Variants in ZNF621 observed in about 807,000 individuals in gnomAD.
ZNF621 encodes the protein zinc finger protein 621.
ZNF621 carries 6 observed loss-of-function variants against 12.7 expected under a neutral mutation model. That is an observed-to-expected ratio of 0.47 (90% CI 0.26 to 0.93). The LOEUF (loss-of-function observed/expected upper bound fraction) is 0.93. Among genes scored for constraint, ZNF621 ranks in the 40% least tolerant of loss-of-function variants. The pLI, the probability that ZNF621 is intolerant of heterozygous loss-of-function variation, is 0.15. For missense variants in ZNF621, 474 were observed against 524.0 expected (o/e 0.90, Z 0.93); for synonymous variants, 156 against 190.3 (o/e 0.82, Z 1.48).
upstream of ZNF621, among the ~76,000 whole-genome samples, chr3:40,523,502 C>T (rs1698503600): frequency 6.6e-6 from 1 of 152,138 alleles, no homozygotes; most frequent in African/African-American, 2.4e-5. Context: ...CGGTGGCTCA[C>T]GCCTGTAATC....
In ZNF621 at chr3:40,530,254, G is replaced by C; in HGVS notation, c.197G>C (p.Arg66Thr). Residue 66 changes from arginine to threonine, a missense_variant, in exon 4 of 5, where the codon AGA (arginine) becomes ACA (threonine). Coordinates refer to ENST00000339296, the MANE Select transcript of ZNF621 (RefSeq NM_198484.5). ...PKPALISHLE[R>T]GEAPWGPDPW... ...CCTGCTCTGATCTCCCACCTGGAGA[G>C]AGGGGAAGCACCATGGGGCCCAGAT... The C allele has an allele frequency of 6.2e-7, 1 of 1,613,948 alleles. No individual in the cohort carries two copies. The highest frequency in any genetic ancestry group is 1.1e-5 in the South Asian group (1 of 91,046).
chr3:40,524,793 G>A (rs2125669988), upstream of ZNF621: 1 of 152,454 alleles, frequency 6.6e-6, no homozygotes, highest in East Asian at 1.9e-4. Flanking sequence ...CGGGCTTAGA[G>A]CGCCACAGTT....
chr3:40,529,403 G>C lies in ZNF621; in HGVS notation c.109G>C (p.Gly37Arg), dbSNP rs573787592. The C allele has an allele frequency of 3.1e-6, 5 of 1,613,674 alleles. No homozygotes were observed. The highest frequency in any genetic ancestry group is 4.2e-6 in the Non-Finnish European group (5 of 1,179,824). The change falls in exon 3 of 5, where the codon GGG becomes CGG. Residue 37 changes from glycine (G) to arginine (R), a missense_variant. Transcript: ENST00000339296. ...SLDPAQRALY[G>R]EVMLENYANV... is the part of the protein sequence containing the mutation. Reference sequence around the variant, plus strand: ...CGACCCTGCGCAGAGGGCCCTGTACGGGGAGGTGATGCTGGAGAATTATGC... The same window carrying C: ...CGACCCTGCGCAGAGGGCCCTGTACCGGGAGGTGATGCTGGAGAATTATGC...
In ZNF621 at chr3:40,533,360, C is replaced by CA. The variant is rs1344564056; in HGVS notation, c.*273dup. On this transcript the variant is annotated 3_prime_UTR_variant, in exon 5 of 5. Coordinates refer to ENST00000339296, the MANE Select transcript of ZNF621 (RefSeq NM_198484.5). ...TTCGCCATCTTGGCCAGGCTGGTCT[C>CA]AAACACCTGACCTCAAGTGATCCGC... 2 of 435,472 alleles carry CA rather than the reference C, an allele frequency of 4.6e-6. No individual in the cohort carries two copies. The highest frequency in any genetic ancestry group is 4.0e-5 in the African/African-American group (2 of 50,534). 27.0% of individuals were successfully genotyped at this position (435,472 alleles called of 1,614,324 possible).
intron 3 of ZNF621, 27 bp from the exon 4 acceptor site, chr3:40,530,182 A>G (rs758156140): frequency 1.9e-6 from 3 of 1,597,886 alleles, no homozygotes; most frequent in Non-Finnish European, 2.6e-6. Flanking sequence ...TCTCCCCTCA[A>G]TTTGTCTTTC....
Position 40,532,723 on chromosome 3 carries a change from C to G in ZNF621, c.953C>G (p.Pro318Arg), listed in dbSNP as rs2125677241. ...QHQRVHTGEK[P>R]YECKVCGKAF... ...CAGAGAGTTCACACTGGGGAGAAGC[C>G]TTATGAATGTAAGGTGTGTGGGAAA... The change falls in exon 5 of 5, where the codon CCT becomes CGT. Residue 318 changes from proline (P) to arginine (R), a missense_variant. Coordinates refer to ENST00000339296, the MANE Select transcript of ZNF621 (RefSeq NM_198484.5). The G allele has an allele frequency of 6.2e-7, 1 of 1,614,170 alleles. No homozygotes were observed. Among genetic ancestry groups the G allele is most frequent in the East Asian group, 2.2e-5 (1 of 44,896 alleles).
At chr3:40,524,809 C>T (rs1468958712), upstream of ZNF621, 1 of 152,486 alleles carries the variant, frequency 6.6e-6, no homozygotes, top group Non-Finnish European at 1.5e-5. Context: ...CAGTTCCACG[C>T]CCGCCGCCGG....
chr3:40,536,608 G>A lies in ZNF621; in HGVS notation c.*3518G>A, dbSNP rs948156945. On this transcript the variant is annotated 3_prime_UTR_variant, in exon 5 of 5. Transcript: ENST00000339296. ...CAGTCCCAAGTGCTGCCTGCCAATC[G>A]TCCAGCACCCTCCACCTTTGCCACC... is the stretch of plus-strand genomic sequence containing the variant. 5 of 152,122 alleles carry A rather than the reference G, an allele frequency of 3.3e-5. No individual in the cohort carries two copies. Among genetic ancestry groups the A allele is most frequent in the Non-Finnish European group, 5.9e-5 (4 of 68,030 alleles). The allele number at this position is 152,122 out of a possible 1,614,324, so 9.4% of individuals were successfully genotyped here.
At chr3:40,530,115 T>A in intron 3 of ZNF621, 94 bp from the exon 4 acceptor site, 1 of 1,006,964 alleles carries the variant, frequency 9.9e-7, no homozygotes. Context: ...TCAATTTCTC[T>A]CCCAAGTAGC....
intron 3 of ZNF621, 30 bp from the exon 4 acceptor site, chr3:40,530,179 T>C: frequency 3.8e-6 from 6 of 1,593,056 alleles, no homozygotes; most frequent in Non-Finnish European, 5.2e-6. Context: ...ACGTCTCCCC[T>C]CAATTTGTCT....
In ZNF621 at chr3:40,537,968, T is replaced by A. The variant is rs912207664; in HGVS notation, c.*4878T>A. 7.2e-5 allele frequency among the ~76,000 whole-genome samples: 11 copies of A among 152,186 alleles called. No homozygotes were observed. The highest frequency in any genetic ancestry group is 2.2e-4 in the African/African-American group (9 of 41,460). On this transcript the variant is annotated 3_prime_UTR_variant, in exon 5 of 5. Coordinates refer to ENST00000339296, the MANE Select transcript of ZNF621 (RefSeq NM_198484.5). ...CTAGGACTTTCATGGAGAAGAGAAG[T>A]TAATCCCTGGCTTAAAAGCATCAAA...
chr3:40,533,251 C>T lies in ZNF621; in HGVS notation c.*161C>T, dbSNP rs969592221. On this transcript the variant is annotated 3_prime_UTR_variant, in exon 5 of 5. Coordinates refer to ENST00000339296, the MANE Select transcript of ZNF621 (RefSeq NM_198484.5). The stretch of plus-strand genomic sequence containing the variant: ...CCCCTCCTGGGTTCAAGCGATTCTC[C>T]TCCTTCAGACTCTCGAATAGCTGGG... 21 of 1,151,634 alleles carry T rather than the reference C, an allele frequency of 1.8e-5. No homozygotes were observed. Among genetic ancestry groups the T allele is most frequent in the Non-Finnish European group, 2.5e-5 (21 of 844,784 alleles). 71.3% of individuals were successfully genotyped at this position (1,151,634 alleles called of 1,614,324 possible).
intron 2 of ZNF621, 22 bp from the exon 3 acceptor site, chr3:40,529,297 G>A (rs1310225927): frequency 1.9e-6 from 3 of 1,610,824 alleles, no homozygotes; most frequent in Non-Finnish European, 2.5e-6. Context: ...CTCAGAGATT[G>A]AGCAGGAACC....
upstream of ZNF621, chr3:40,524,956 C>T (rs1698538862): frequency 6.6e-6 from 1 of 152,294 alleles, no homozygotes; most frequent in Admixed American, 6.5e-5. Flanking sequence ...GGCGTGCACT[C>T]GCCCTTCCGG....
At chr3:40,523,792 C>CAAAAAAAAAAAAAAA (rs560219486), upstream of ZNF621, among the ~76,000 whole-genome samples, 1 of 66,782 alleles carries the variant, frequency 1.5e-5, no homozygotes, top group Non-Finnish European at 2.8e-5. Flanking sequence ...AAAAAACAAG[C>CAAAAAAAAAAAAAAA]AAAAAAAAAA....
chr3:40,534,210 G>A lies in ZNF621; in HGVS notation c.*1120G>A, dbSNP rs543442107. Reference sequence around the variant, plus strand: ...TTACTAAAGAAATAAAAATAATGGTGTAAAGCCAACTCGAGGGGAATCTGA... The same window carrying A: ...TTACTAAAGAAATAAAAATAATGGTATAAAGCCAACTCGAGGGGAATCTGA... On this transcript the variant is annotated 3_prime_UTR_variant, in exon 5 of 5. Coordinates refer to ENST00000339296, the MANE Select transcript of ZNF621 (RefSeq NM_198484.5). 23 of 151,922 alleles carry A rather than the reference G, an allele frequency of 1.5e-4. No homozygotes were observed. In the East Asian group the frequency reaches 4.5e-3, roughly 29 times the overall value. The allele number at this position is 151,922 out of a possible 1,614,324, so 9.4% of individuals were successfully genotyped here. A position where few individuals can be genotyped will look rare whatever the true frequency, so the allele number is the denominator to read the frequency against.
At chr3:40,529,484 A>G (rs371488115) in intron 3 of ZNF621, 39 bp downstream of exon 3, 37 of 1,609,862 alleles carry the variant, frequency 2.3e-5, no homozygotes, top group Non-Finnish European at 1.0e-5. Flanking sequence ...ACAGTTTGCT[A>G]TCTTCCTCAG....
At position 40,532,260 on chromosome 3, in the gene ZNF621, T is replaced by C. The variant is rs1410052890; in HGVS notation, c.490T>C (p.Ser164Pro). ...KECGKIFRYNSKLIRHQMSHT... is the reference protein window; with the variant it reads ...KECGKIFRYNPKLIRHQMSHT... ...ATGTGGGAAAATCTTCCGATATAAC[T>C]CAAAGCTTATTCGGCATCAGATGAG... Residue 164 changes from serine (S) to proline (P), a missense_variant, in exon 5 of 5, where the codon TCA becomes CCA. Coordinates refer to ENST00000339296, the MANE Select transcript of ZNF621 (RefSeq NM_198484.5). 10 of 1,613,888 alleles carry C rather than the reference T, an allele frequency of 6.2e-6. No individual in the cohort carries two copies. The highest frequency in any genetic ancestry group is 8.5e-6 in the Non-Finnish European group (10 of 1,180,040).
At chr3:40,524,685 G>A (rs929146559), upstream of ZNF621, among the ~76,000 whole-genome samples, 2 of 152,194 alleles carry the variant, frequency 1.3e-5, no homozygotes, top group Non-Finnish European at 2.9e-5. Flanking sequence ...TGAACTGGGG[G>A]CCCACTTGTG....
Sources: allele counts gnomAD v4.1 joint callset (sites outside exome capture counted in the v4.1 genomes callset), GRCh38; gene constraint gnomAD v4.1.1; transcripts MANE v1.5; gene names NCBI Gene and HGNC (gene_info 2026-07-23, HGNC 2026-07-21).